Variants in DPYD observed in about 807,000 individuals in gnomAD.
DPYD encodes the protein dihydropyrimidine dehydrogenase.
Under a neutral mutation model 116.2 loss-of-function variants are expected in DPYD, and 109 were observed. The ratio of observed to expected loss-of-function variants is 0.94; its 90% CI spans 0.80 to 1.10. The LOEUF is 1.10. Ranked by LOEUF, DPYD falls within the 50% of genes least tolerant of loss-of-function variation. The pLI is 0.00. For synonymous variants in DPYD, 440 were observed against 432.0 expected (o/e 1.02, Z -0.23); for missense variants, 1,302 against 1,254.5 (o/e 1.04, Z -0.57).
At chr1:97,552,532 G>A (rs1181749302) in intron 11 of DPYD, among the ~76,000 whole-genome samples, 1 of 151,714 alleles carries the variant, frequency 6.6e-6, no homozygotes, top group African/African-American at 2.4e-5. Flanking sequence ...TCTGCTCATG[G>A]GCATTTCTAT....
chr1:97,578,816 G>C (rs914998607), intron 10 of DPYD, among the ~76,000 whole-genome samples: 1 of 151,972 alleles, frequency 6.6e-6, no homozygotes, highest in Non-Finnish European at 1.5e-5. Context: ...TGAAATATAG[G>C]AACCACATGA....
rs561072483 is a variant in DPYD, at chr1:97,089,512, C to G, written c.2767-7042G>C. 3.2e-4 allele frequency among the ~76,000 whole-genome samples: 49 copies of G among 152,266 alleles called. 1 individual carries two copies. Among genetic ancestry groups the G allele is most frequent in the African/African-American group, 1.1e-3 (46 of 41,564 alleles). On this transcript the variant is annotated intron_variant, in intron 21 of 22. Coordinates refer to ENST00000370192, the MANE Select transcript of DPYD (RefSeq NM_000110.4). ...GCTTCTTCAGAAGGTCCTTGTTCAT[C>G]TTTTAGAAGGAAATCTTTATACTCA...
chr1:97,461,846 C>T (rs957337558), intron 13 of DPYD, among the ~76,000 whole-genome samples: 2 of 152,272 alleles, frequency 1.3e-5, no homozygotes, highest in Non-Finnish European at 2.9e-5. Context: ...ATACAAAAAG[C>T]AATCTTTATC....
At chr1:97,320,573 G>A (rs1448789807) in intron 16 of DPYD, among the ~76,000 whole-genome samples, 10 of 67,954 alleles carry the variant, frequency 1.5e-4, no homozygotes, top group African/African-American at 3.4e-4. Context: ...ACTGCTCAAG[G>A]AAATAAAAGA....
intron 3 of DPYD, among the ~76,000 whole-genome samples, chr1:97,803,394 T>C (rs1180729605): frequency 6.6e-6 from 1 of 151,940 alleles, no homozygotes; most frequent in South Asian, 2.1e-4. Flanking sequence ...TATTCCTGAA[T>C]TATCATTTGT....
intron 20 of DPYD, among the ~76,000 whole-genome samples, chr1:97,181,175 T>C (rs1288392845): frequency 1.2e-4 from 18 of 152,114 alleles, no homozygotes; most frequent in Admixed American, 1.2e-3. Flanking sequence ...TATACAGGGC[T>C]CCCAGCAGGT....
At chr1:97,197,041 C>CT (rs2101834861) in intron 19 of DPYD, among the ~76,000 whole-genome samples, 1 of 152,204 alleles carries the variant, frequency 6.6e-6, no homozygotes, top group African/African-American at 2.4e-5. Flanking sequence ...ACAAAAACCC[C>CT]TTCATTTTCT....
chr1:97,383,649 C>A (rs1205820012), intron 14 of DPYD, among the ~76,000 whole-genome samples: 1 of 152,062 alleles, frequency 6.6e-6, no homozygotes, highest in African/African-American at 2.4e-5. Context: ...GACGCCAAGG[C>A]AATGACACCT....
chr1:97,579,693 C>T (rs1653506088), intron 10 of DPYD, among the ~76,000 whole-genome samples: 1 of 152,222 alleles, frequency 6.6e-6, no homozygotes, highest in African/African-American at 2.4e-5. Flanking sequence ...CTCCTCATGG[C>T]ACCCATATAT....
intron 8 of DPYD, among the ~76,000 whole-genome samples, chr1:97,618,468 C>T (rs1213499128): frequency 2.6e-5 from 4 of 151,328 alleles, no homozygotes; most frequent in African/African-American, 7.3e-5. Context: ...CTCCGCCTCC[C>T]GGGTTCAAGC....
intron 8 of DPYD, among the ~76,000 whole-genome samples, chr1:97,600,654 G>T (rs1173290157): frequency 6.6e-6 from 1 of 152,106 alleles, no homozygotes; most frequent in African/African-American, 2.4e-5. Context: ...TCACAGGACT[G>T]TTGGGAGAAT....
chr1:97,338,923 TAAGG>T (rs1313769946), intron 16 of DPYD, among the ~76,000 whole-genome samples: 1 of 152,074 alleles, frequency 6.6e-6, no homozygotes, highest in Admixed American at 6.6e-5. Context: ...TAGCTACTAT[TAAGG>T]AAGAGCTAAT....
chr1:97,529,561 A>C (rs1424595869), intron 12 of DPYD, among the ~76,000 whole-genome samples: 1 of 152,080 alleles, frequency 6.6e-6, no homozygotes, highest in Non-Finnish European at 1.5e-5. Context: ...ATATGCATAC[A>C]CTCATGTTAC....
At chr1:97,739,681 T>C (rs996953489) in intron 4 of DPYD, among the ~76,000 whole-genome samples, 4 of 152,122 alleles carry the variant, frequency 2.6e-5, no homozygotes, top group Admixed American at 2.0e-4. Flanking sequence ...ATGGGAGACA[T>C]TGTTCAGCCT....
intron 14 of DPYD, among the ~76,000 whole-genome samples, chr1:97,408,122 A>T (rs750534872): frequency 3.3e-5 from 5 of 152,102 alleles, no homozygotes; most frequent in Admixed American, 6.6e-5. Flanking sequence ...CAACAACCCA[A>T]TCCAGGCTGG....
intron 16 of DPYD, among the ~76,000 whole-genome samples, chr1:97,309,014 A>G (rs1231709613): frequency 6.6e-6 from 1 of 151,860 alleles, no homozygotes; most frequent in Admixed American, 6.6e-5. Flanking sequence ...AAACTTGGCA[A>G]CTTGGCATAT....
intron 1 of DPYD, among the ~76,000 whole-genome samples, chr1:97,900,381 G>A (rs1297370673): frequency 6.6e-6 from 1 of 151,850 alleles, no homozygotes; most frequent in Non-Finnish European, 1.5e-5. Flanking sequence ...AGTGCCCAAG[G>A]TGATTCTGGT....
intron 18 of DPYD, among the ~76,000 whole-genome samples, chr1:97,294,033 T>C (rs777707497): frequency 6.6e-6 from 1 of 152,132 alleles, no homozygotes; most frequent in Admixed American, 6.6e-5. Flanking sequence ...CTTACATGTC[T>C]ACTATGTCCC....
intron 14 of DPYD, among the ~76,000 whole-genome samples, chr1:97,414,252 A>G (rs1283564747): frequency 6.6e-6 from 1 of 152,164 alleles, no homozygotes; most frequent in Non-Finnish European, 1.5e-5. Context: ...TTCAAATTAT[A>G]ATTTATTACA....
Sources: gnomAD v4.1 joint callset for allele counts (sites outside exome capture counted in the v4.1 genomes callset) on GRCh38, gnomAD v4.1.1 for gene constraint, MANE v1.5 for transcripts, NCBI Gene and HGNC (gene_info 2026-07-23, HGNC 2026-07-21) for gene names.